Variants in ADAM10 observed in about 807,000 individuals in gnomAD.
ADAM10 encodes disintegrin and metalloproteinase domain-containing protein 10.
Under a neutral mutation model 90.1 loss-of-function variants are expected in ADAM10, and 17 were observed. That is an observed-to-expected ratio of 0.19 (90% CI 0.13 to 0.28). The LOEUF (loss-of-function observed/expected upper bound fraction) is 0.28, where lower values mean the gene tolerates loss of function less well. ADAM10 is among the 10% of genes least tolerant of loss of function. The pLI is 1.00. For missense variants in ADAM10, 610 were observed against 914.3 expected, an observed-to-expected ratio of 0.67 and a Z score of 4.29; for synonymous variants, 310 against 298.6, an observed-to-expected ratio of 1.04 and a Z score of -0.40.
intron 4 of ADAM10, among the ~76,000 whole-genome samples, chr15:58,669,551 C>T (rs1425357351): frequency 1.3e-5 from 2 of 152,136 alleles, no homozygotes; most frequent in Non-Finnish European, 2.9e-5. Flanking sequence ...GGGTATTTTG[C>T]TTGTCTTGTT....
intron 7 of ADAM10, among the ~76,000 whole-genome samples, chr15:58,642,838 T>C (rs1896451633): frequency 6.6e-6 from 1 of 152,202 alleles, no homozygotes; most frequent in Admixed American, 6.5e-5. Flanking sequence ...AGCAATTAAT[T>C]ATGAACAATT....
At chr15:58,641,889 T>C (rs1293466168) in intron 7 of ADAM10, among the ~76,000 whole-genome samples, 1 of 152,192 alleles carries the variant, frequency 6.6e-6, no homozygotes, top group Non-Finnish European at 1.5e-5. Flanking sequence ...TACAGGTCTC[T>C]TTATGACCTG....
Position 58,611,996 on chromosome 15 carries a change from A to G in ADAM10, c.1512-5T>C, listed in dbSNP as rs202147172. The G allele has an allele frequency of 6.2e-7, 1 of 1,613,800 alleles. No homozygotes were observed. Reference sequence around the variant, plus strand: ...CAACAAGGACCTTGACTTGGACTAGAGGAAACATTAAGTGATTAAACAAAG... The same window carrying G: ...CAACAAGGACCTTGACTTGGACTAGGGGAAACATTAAGTGATTAAACAAAG... On this transcript the variant is annotated splice_region_variant and splice_polypyrimidine_tract_variant and intron_variant, in intron 11 of 15. Coordinates refer to ENST00000260408, the MANE Select transcript of ADAM10 (RefSeq NM_001110.4).
intron 5 of ADAM10, among the ~76,000 whole-genome samples, chr15:58,647,719 T>G (rs1341756421): frequency 6.6e-6 from 1 of 152,072 alleles, no homozygotes; most frequent in East Asian, 1.9e-4. Context: ...CCTGGCTAAT[T>G]TTTTAATTTT....
chr15:58,656,898 C>T (rs1896841976), intron 5 of ADAM10, among the ~76,000 whole-genome samples: 1 of 152,174 alleles, frequency 6.6e-6, no homozygotes, highest in Non-Finnish European at 1.5e-5. Context: ...TGAAATCCAT[C>T]TGTTTTTGTT....
intron 5 of ADAM10, among the ~76,000 whole-genome samples, chr15:58,663,577 T>C (rs968995804): frequency 2.0e-5 from 3 of 152,162 alleles, no homozygotes; most frequent in East Asian, 1.9e-4. Flanking sequence ...TTTTGACCCA[T>C]TGAGTGTTGT....
Position 58,597,871 on chromosome 15 carries a change from T to C in ADAM10, c.2153-230A>G, listed in dbSNP as rs145952527. On this transcript the variant is annotated intron_variant, in intron 15 of 15. Transcript: ENST00000260408. ...TTAAATTAATATAGCCAAAGTGTTA[T>C]CATTTCAATATATAATCAATACAAA... is the stretch of plus-strand genomic sequence containing the variant. 8.7e-3 allele frequency among the ~76,000 whole-genome samples: 1,326 copies of C among 152,194 alleles called. 25 individuals are homozygous for C. The highest frequency in any genetic ancestry group is 0.031 in the African/African-American group (1,270 of 41,566).
chr15:58,617,102 C>T (rs1895636440), intron 11 of ADAM10, among the ~76,000 whole-genome samples: 1 of 151,564 alleles, frequency 6.6e-6, no homozygotes, highest in Non-Finnish European at 1.5e-5. Flanking sequence ...AAGTGAGACT[C>T]CGTCTCAAAA....
rs1894894645 is a variant in ADAM10 at position 58,594,287 on chromosome 15, G to A, written c.*3260C>T. On this transcript the variant is annotated 3_prime_UTR_variant, in exon 16 of 16. Transcript: ENST00000260408. ...CTTGACACTCTGATACCTTCAATTA[G>A]AAATACTTAATAAGAAATGCCTTCT... 6.6e-6 allele frequency: 1 copy of A among 152,130 alleles called. No homozygotes were observed. Among genetic ancestry groups the A allele is most frequent in the East Asian group, 1.9e-4 (1 of 5,198 alleles). 9.4% of individuals were successfully genotyped at this position (152,130 alleles called of 1,614,324 possible).
intron 1 of ADAM10, among the ~76,000 whole-genome samples, chr15:58,718,800 C>G (rs1355315271): frequency 6.6e-6 from 1 of 152,154 alleles, no homozygotes; most frequent in Non-Finnish European, 1.5e-5. Flanking sequence ...ATCCTCTGTG[C>G]AGCTCTCTCT....
intron 2 of ADAM10, chr15:58,707,484 T>C (rs1898341026): frequency 6.7e-6 from 1 of 150,108 alleles, no homozygotes; most frequent in African/African-American, 2.4e-5. Flanking sequence ...TAAGCAAAAA[T>C]ACATAAACAC....
chr15:58,737,982 T>A (rs1219590026), intron 1 of ADAM10, among the ~76,000 whole-genome samples: 24 of 152,258 alleles, frequency 1.6e-4, no homozygotes, highest in African/African-American at 5.5e-4. Flanking sequence ...ATCTTAAGAA[T>A]GGGAGAGGAA....
chr15:58,677,434 GA>G (rs1168409593), intron 4 of ADAM10, among the ~76,000 whole-genome samples: 1 of 150,376 alleles, frequency 6.6e-6, no homozygotes, highest in Non-Finnish European at 1.5e-5. Context: ...CATCTTTGGG[GA>G]AAAAAAAAGA....
At chr15:58,599,992 A>G (rs1293222616) in intron 14 of ADAM10, among the ~76,000 whole-genome samples, 4 of 152,196 alleles carry the variant, frequency 2.6e-5, no homozygotes, top group African/African-American at 4.8e-5. Flanking sequence ...CTCTTTACAT[A>G]TAACAACATT....
At chr15:58,708,736 T>C (rs762351582) in intron 2 of ADAM10, among the ~76,000 whole-genome samples, 32 of 152,230 alleles carry the variant, frequency 2.1e-4, no homozygotes, top group Non-Finnish European at 3.5e-4. Flanking sequence ...CTTGATTTGC[T>C]AGACCTTGTG....
chr15:58,681,799 T>A (rs138808402), intron 3 of ADAM10, among the ~76,000 whole-genome samples: 1 of 152,216 alleles, frequency 6.6e-6, no homozygotes, highest in Non-Finnish European at 1.5e-5. Flanking sequence ...CAGATGACTC[T>A]GTCACATTAT....
chr15:58,686,501 G>C (rs576349286), intron 2 of ADAM10: 1 of 1,424,022 alleles, frequency 7.0e-7, no homozygotes, highest in African/African-American at 1.4e-5. Flanking sequence ...TGTCTCTCAG[G>C]CAGCCGCAGA....
chr15:58,658,040 T>A (rs1041454912), intron 5 of ADAM10, among the ~76,000 whole-genome samples: 1 of 152,190 alleles, frequency 6.6e-6, no homozygotes, highest in Non-Finnish European at 1.5e-5. Flanking sequence ...TTCAATTTGA[T>A]GAAGTCAGTT....
At chr15:58,675,575 C>T (rs1410316627) in intron 4 of ADAM10, among the ~76,000 whole-genome samples, 3 of 152,180 alleles carry the variant, frequency 2.0e-5, no homozygotes, top group African/African-American at 7.2e-5. Flanking sequence ...ATTAACTGTT[C>T]ACACTACCAT....
Sources: allele counts gnomAD v4.1 joint callset (sites outside exome capture counted in the v4.1 genomes callset), GRCh38; gene constraint gnomAD v4.1.1; transcripts MANE v1.5; gene names NCBI Gene and HGNC (gene_info 2026-07-23, HGNC 2026-07-21).